Variants in LRP1B observed in about 807,000 individuals in gnomAD.
LRP1B encodes the protein LDL receptor related protein 1B, also known as low-density lipoprotein receptor-related protein 1B.
Under a neutral mutation model 556.6 loss-of-function variants are expected in LRP1B, and 217 were observed. The ratio of observed to expected loss-of-function variants is 0.39; its 90% CI spans 0.35 to 0.44. The LOEUF is 0.44. Ranked by LOEUF, LRP1B falls within the 20% of genes least tolerant of loss-of-function variation. The pLI is 1.00. For synonymous variants in LRP1B, 2,047 were observed against 1,865.8 expected, an observed-to-expected ratio of 1.10 and a Z score of -2.50; for missense variants, 5,053 against 5,620.8, an observed-to-expected ratio of 0.90 and a Z score of 3.23.
chr2:140,989,764 A>G (rs1406160885), intron 16 of LRP1B, 107 bp from the exon 17 acceptor site: 1 of 1,057,546 alleles, frequency 9.5e-7, no homozygotes, highest in South Asian at 1.5e-5. Flanking sequence ...ATAGTACAAT[A>G]AATGTCATAG....
chr2:140,935,238 G>C (rs1695168389), intron 20 of LRP1B, among the ~76,000 whole-genome samples: 1 of 152,000 alleles, frequency 6.6e-6, no homozygotes, highest in East Asian at 1.9e-4. Flanking sequence ...AAAACAACTG[G>C]CTTAAAGATG....
At chr2:140,409,568 T>C (rs181109763) in intron 66 of LRP1B, among the ~76,000 whole-genome samples, 2 of 152,166 alleles carry the variant, frequency 1.3e-5, no homozygotes, top group Non-Finnish European at 2.9e-5. Context: ...AAGAAGTATT[T>C]TAGAATTGGT....
intron 49 of LRP1B, among the ~76,000 whole-genome samples, chr2:140,523,601 C>G (rs1690281509): frequency 6.6e-6 from 1 of 151,804 alleles, no homozygotes; most frequent in Non-Finnish European, 1.5e-5. Flanking sequence ...CAAACTATTT[C>G]TCTTCACTGA....
At chr2:140,839,945 G>A in intron 31 of LRP1B, 46 bp downstream of exon 31, 2 of 1,124,576 alleles carry the variant, frequency 1.8e-6, no homozygotes, top group East Asian at 2.4e-5. Context: ...TACAAGTACA[G>A]GTTTGTCACA....
At chr2:141,933,268 GA>G (rs199596841) in intron 1 of LRP1B, among the ~76,000 whole-genome samples, 1 of 151,628 alleles carries the variant, frequency 6.6e-6, no homozygotes, top group Admixed American at 6.6e-5. Flanking sequence ...TAATCTTGCA[GA>G]AAAAAAATCA....
chr2:141,229,464 A>T, intron 5 of LRP1B, 24 bp from the exon 6 acceptor site: 1 of 1,452,552 alleles, frequency 6.9e-7, no homozygotes, highest in Non-Finnish European at 9.5e-7. Context: ...GAAAAAGAGA[A>T]GTAAATTCAG....
intron 18 of LRP1B, among the ~76,000 whole-genome samples, chr2:140,971,833 CAA>C (rs202099705): frequency 1.3e-5 from 2 of 150,888 alleles, no homozygotes; most frequent in African/African-American, 2.4e-5. Flanking sequence ...GACTCCGTCT[CAA>C]AAAAAAATTA....
chr2:141,484,627 C>T (rs1191131045), intron 2 of LRP1B, among the ~76,000 whole-genome samples: 2 of 152,068 alleles, frequency 1.3e-5, no homozygotes, highest in Non-Finnish European at 2.9e-5. Flanking sequence ...TTTGTATCCT[C>T]TTTTATTTCA....
intron 47 of LRP1B, among the ~76,000 whole-genome samples, chr2:140,528,297 A>G (rs1166347564): frequency 2.0e-5 from 3 of 152,042 alleles, no homozygotes; most frequent in East Asian, 1.9e-4. Flanking sequence ...AATGGAACAC[A>G]GTCTTAGATT....
At chr2:140,385,743 C>A (rs1683730355) in intron 67 of LRP1B, 150 bp downstream of exon 67, 1 of 625,580 alleles carries the variant, frequency 1.6e-6, no homozygotes, top group Admixed American at 3.0e-5. Flanking sequence ...TTCAGGTAGT[C>A]TGAATATTCT....
At chr2:141,519,401 A>ATATATATATATATATATG (rs1684454037) in intron 2 of LRP1B, among the ~76,000 whole-genome samples, 1 of 22,608 alleles carries the variant, frequency 4.4e-5, no homozygotes, top group Non-Finnish European at 9.7e-5. Context: ...ATATATATAT[A>ATATATATATATATATATG]TGAAATGCAA....
At chr2:140,274,115 T>C (rs754924598) in intron 85 of LRP1B, among the ~76,000 whole-genome samples, 3 of 152,002 alleles carry the variant, frequency 2.0e-5, no homozygotes, top group Non-Finnish European at 2.9e-5. Context: ...TAATATTACA[T>C]GTAGTTTTTG....
chr2:141,656,607 T>C (rs890449154), intron 2 of LRP1B, among the ~76,000 whole-genome samples: 1 of 152,190 alleles, frequency 6.6e-6, no homozygotes, highest in African/African-American at 2.4e-5. Flanking sequence ...CAAATTGCAT[T>C]GTGTGCAAAG....
At chr2:140,483,033 C>A (rs770998765) in intron 59 of LRP1B, among the ~76,000 whole-genome samples, 5 of 152,072 alleles carry the variant, frequency 3.3e-5, no homozygotes, top group Non-Finnish European at 7.4e-5. Flanking sequence ...ATGCTAAAAT[C>A]CAAGTTGCCT....
Position 140,702,478 on chromosome 2 carries a change from G to T in LRP1B, c.6099C>A (p.Val2033=), listed in dbSNP as rs754521325. The part of the protein sequence containing the change: ...KARLDGSEKV[V]LVSMGIAWPN... ...GCCATGCTATTCCCATGCTTACAAG[G>T]ACAACCTTCTCTGAGCCATCCAAGC... The change falls in exon 38 of 91, where the codon GTC becomes GTA. Residue 2033 remains valine (V), a synonymous_variant. Coordinates refer to ENST00000389484, the MANE Select transcript of LRP1B (RefSeq NM_018557.3). 6.2e-7 allele frequency: 1 copy of T among 1,613,518 alleles called. No individual in the cohort carries two copies. Among genetic ancestry groups the T allele is most frequent in the South Asian group, 1.1e-5 (1 of 91,064 alleles).
intron 41 of LRP1B, among the ~76,000 whole-genome samples, chr2:140,680,346 A>C (rs1311707784): frequency 1.4e-5 from 2 of 148,136 alleles, no homozygotes; most frequent in African/African-American, 2.5e-5. Context: ...TGCGGGTTGC[A>C]GAAATAAGCT....
intron 77 of LRP1B, among the ~76,000 whole-genome samples, chr2:140,337,977 A>G (rs1450068128): frequency 1.3e-5 from 2 of 151,768 alleles, no homozygotes; most frequent in Non-Finnish European, 2.9e-5. Context: ...TTTTTCAAGT[A>G]AACAGGCTGG....
At chr2:140,826,504 T>A (rs1453382432) in intron 31 of LRP1B, among the ~76,000 whole-genome samples, 5 of 152,136 alleles carry the variant, frequency 3.3e-5, no homozygotes, top group Non-Finnish European at 1.5e-5. Context: ...GCCAAGATGA[T>A]CACCAGCAAC....
chr2:142,067,543 G>A (rs1705150777), intron 1 of LRP1B, among the ~76,000 whole-genome samples: 1 of 151,586 alleles, frequency 6.6e-6, no homozygotes, highest in South Asian at 2.1e-4. Flanking sequence ...AACCCAAAGT[G>A]GAAGTCATCC....
Sources: gnomAD v4.1 joint callset for allele counts (sites outside exome capture counted in the v4.1 genomes callset) on GRCh38, gnomAD v4.1.1 for gene constraint, MANE v1.5 for transcripts, NCBI Gene and HGNC (gene_info 2026-07-23, HGNC 2026-07-21) for gene names.